The following GIMD1 variants were observed in gnomAD, a reference collection of about 807,000 sequenced individuals.
GIMD1 encodes GTPase IMAP family member GIMD1.
In GIMD1, 14 loss-of-function variants were observed where a neutral mutation model predicts 14.9. The observed-to-expected ratio is 0.94, with a 90% CI of 0.62 to 1.47. The LOEUF (loss-of-function observed/expected upper bound fraction) is 1.47. Ranked by LOEUF, GIMD1 falls within the 40% of genes most tolerant of loss-of-function variation. The pLI, the probability that GIMD1 is intolerant of heterozygous loss-of-function variation, is 0.00. For missense variants in GIMD1, 272 were observed against 255.3 expected, an observed-to-expected ratio of 1.07 and a Z score of -0.44; for synonymous variants, 91 against 90.5, an observed-to-expected ratio of 1.01 and a Z score of -0.03.
chr4:106,363,890 G>C (rs1018733827), intron 2 of GIMD1, among the ~76,000 whole-genome samples: 2 of 139,920 alleles, frequency 1.4e-5, no homozygotes, highest in African/African-American at 5.1e-5. Context: ...TAATGGGGGG[G>C]GGGGGGCGGA....
Position 106,358,255 on chromosome 4 carries a change from T to G in GIMD1, c.582A>C (p.Gln194His). The G allele has an allele frequency of 1.3e-6, 2 of 1,522,982 alleles. No homozygotes were observed. The allele number at this position is 1,522,982 out of a possible 1,614,324, so 94.3% of individuals were successfully genotyped here. ...QYKKGKSLNEQRMKILERIME... is the reference protein window; with the variant it reads ...QYKKGKSLNEHRMKILERIME... ...TGATTCTTTCTAAGATTTTCATTCT[T>G]TGTTCATTGAGTGATTTTCCTTTTT... Residue 194 changes from glutamine to histidine, a missense_variant, in exon 3 of 3, where the codon CAA becomes CAC. By Grantham distance (24) the Gln-to-His change is conservative. Transcript: ENST00000638719.
chr4:106,361,731 G>A (rs956813657), intron 2 of GIMD1, among the ~76,000 whole-genome samples: 3 of 152,060 alleles, frequency 2.0e-5, no homozygotes, highest in African/African-American at 7.2e-5. Flanking sequence ...TGTATTGGCT[G>A]ATGTGTAGAT....
At chr4:106,360,030 C>T (rs1234017109) in intron 2 of GIMD1, among the ~76,000 whole-genome samples, 3 of 151,966 alleles carry the variant, frequency 2.0e-5, no homozygotes, top group Non-Finnish European at 2.9e-5. Flanking sequence ...CAGTAAACAT[C>T]TGTTAAATTA....
At chr4:106,358,624 G>A (rs932839466) in intron 2 of GIMD1, among the ~76,000 whole-genome samples, 181 bp from the exon 3 acceptor site, 3 of 151,842 alleles carry the variant, frequency 2.0e-5, no homozygotes, top group South Asian at 2.1e-4. Context: ...GAGGGAAAAG[G>A]CTTGACTTTC....
At chr4:106,361,023 T>A (rs544800471) in intron 2 of GIMD1, among the ~76,000 whole-genome samples, 28 of 152,218 alleles carry the variant, frequency 1.8e-4, no homozygotes, top group African/African-American at 6.7e-4. Context: ...AATACAGCAA[T>A]CCCTGGATCA....
At chr4:106,366,285 G>A (rs769045738) in intron 2 of GIMD1, among the ~76,000 whole-genome samples, 2 of 152,072 alleles carry the variant, frequency 1.3e-5, no homozygotes, top group African/African-American at 2.4e-5. Flanking sequence ...TATGACTTAA[G>A]TCTTATGAAA....
At chr4:106,365,381 AT>A (rs1770681680) in intron 2 of GIMD1, among the ~76,000 whole-genome samples, 1 of 141,724 alleles carries the variant, frequency 7.1e-6, no homozygotes, top group African/African-American at 2.6e-5. Context: ...GTGATTATAC[AT>A]ATGGCTGGGT....
At chr4:106,368,155 G>A (rs1725150829) in intron 1 of GIMD1, among the ~76,000 whole-genome samples, 1 of 151,826 alleles carries the variant, frequency 6.6e-6, no homozygotes, top group Non-Finnish European at 1.5e-5. Context: ...TGTAAGTGTT[G>A]GCTCTTTAAT....
chr4:106,368,481 T>G (rs1770741128), intron 1 of GIMD1, among the ~76,000 whole-genome samples: 2 of 152,184 alleles, frequency 1.3e-5, no homozygotes, highest in Non-Finnish European at 2.9e-5. Context: ...TTAATGCCCC[T>G]CACTCCATTA....
chr4:106,359,704 G>T (rs2125933535), intron 2 of GIMD1, among the ~76,000 whole-genome samples: 1 of 150,496 alleles, frequency 6.6e-6, no homozygotes, highest in Non-Finnish European at 1.5e-5. Flanking sequence ...TGAAAACAAA[G>T]AAAAAAGAAG....
intron 2 of GIMD1, among the ~76,000 whole-genome samples, chr4:106,359,656 TA>T (rs1331542467): frequency 3.3e-5 from 5 of 150,794 alleles, no homozygotes; most frequent in Non-Finnish European, 7.4e-5. Context: ...TCAATGTACC[TA>T]AAAAATACAG....
intron 2 of GIMD1, among the ~76,000 whole-genome samples, chr4:106,359,409 A>G (rs1770582045): frequency 6.6e-6 from 1 of 151,840 alleles, no homozygotes; most frequent in African/African-American, 2.4e-5. Context: ...ACCTCTAATA[A>G]TCAGAAGAAA....
chr4:106,363,394 C>T lies in GIMD1; in HGVS notation c.393+3649G>A, dbSNP rs549998126. Reference sequence around the variant, plus strand: ...CAAATAAGTAGCTAAGACTTGAATACTTTAGAACCCATCTCGTAATCTCTA... The same window carrying T: ...CAAATAAGTAGCTAAGACTTGAATATTTTAGAACCCATCTCGTAATCTCTA... On this transcript the variant is annotated intron_variant, in intron 2 of 2. Transcript: ENST00000638719. 2.5e-4 allele frequency among the ~76,000 whole-genome samples: 38 copies of T among 152,210 alleles called. No homozygotes were observed. In the South Asian group the frequency reaches 7.7e-3, roughly 31 times the overall value.
rs7654865 is a variant in GIMD1 at position 106,358,293 on chromosome 4, C to A, written c.544G>T (p.Val182Phe). 3.9e-6 allele frequency: 6 copies of A among 1,530,716 alleles called. No homozygotes were observed. The Admixed American group carries it at 1.2e-4, about 30-fold the overall frequency. The allele number at this position is 1,530,716 out of a possible 1,614,324, so 94.8% of individuals were successfully genotyped here. A position where few individuals can be genotyped will look rare whatever the true frequency, so the allele number is the denominator to read the frequency against. Reference sequence around the variant, plus strand: ...GATTTTCCTTTTTTGTACTGGAAAACGTATTTGTGCTGAATAGAATTTAGC... The same window carrying A: ...GATTTTCCTTTTTTGTACTGGAAAAAGTATTTGTGCTGAATAGAATTTAGC... Reference protein sequence around the residue: ...TLLNSIQHKYVFQYKKGKSLN... With the variant: ...TLLNSIQHKYFFQYKKGKSLN... Residue 182 changes from valine (V) to phenylalanine (F), a missense_variant, in exon 3 of 3, where the codon GTT (valine) becomes TTT (phenylalanine). Val to Phe is a conservative substitution (Grantham distance 50). Transcript: ENST00000638719.
chr4:106,361,837 A>G (rs1253751376), intron 2 of GIMD1, among the ~76,000 whole-genome samples: 1 of 152,102 alleles, frequency 6.6e-6, no homozygotes, highest in African/African-American at 2.4e-5. Context: ...GCTACAATAA[A>G]TGTGCATGCT....
intron 2 of GIMD1, among the ~76,000 whole-genome samples, chr4:106,365,105 T>G (rs1028547111): frequency 6.6e-6 from 1 of 152,170 alleles, no homozygotes; most frequent in Non-Finnish European, 1.5e-5. Flanking sequence ...TAGCTTTAAA[T>G]GAATTTTTAA....
At chr4:106,365,934 C>T (rs1313993925) in intron 2 of GIMD1, among the ~76,000 whole-genome samples, 1 of 138,164 alleles carries the variant, frequency 7.2e-6, no homozygotes, top group Admixed American at 7.4e-5. Context: ...CATGTACACA[C>T]ACGTACACAC....
intron 2 of GIMD1, among the ~76,000 whole-genome samples, chr4:106,366,768 G>A (rs1038057267): frequency 6.6e-6 from 1 of 151,868 alleles, no homozygotes; most frequent in Admixed American, 6.6e-5. Context: ...AACCTCTGAA[G>A]TTTAATATCT....
intron 2 of GIMD1, among the ~76,000 whole-genome samples, chr4:106,366,551 C>T (rs896916349): frequency 1.3e-5 from 2 of 152,106 alleles, no homozygotes; most frequent in African/African-American, 2.4e-5. Flanking sequence ...TTAAGTTCAA[C>T]GGTTCTACGA....
Sources: allele counts gnomAD v4.1 joint callset (sites outside exome capture counted in the v4.1 genomes callset), GRCh38; gene constraint gnomAD v4.1.1; transcripts MANE v1.5; gene names NCBI Gene and HGNC (gene_info 2026-07-23, HGNC 2026-07-21).